Variants in PPFIA2 observed in about 807,000 individuals in gnomAD.
The protein encoded by PPFIA2 is PPFI scaffold protein A2, also known as liprin-alpha-2.
Under a neutral mutation model 175.5 loss-of-function variants are expected in PPFIA2, and 46 were observed. The observed-to-expected ratio is 0.26, with a 90% CI of 0.21 to 0.34. The LOEUF (loss-of-function observed/expected upper bound fraction) is 0.34. Ranked by LOEUF, PPFIA2 falls within the 10% of genes least tolerant of loss-of-function variation. The pLI, the probability that PPFIA2 is intolerant of heterozygous loss-of-function variation, is 1.00. For synonymous variants in PPFIA2, 568 were observed against 511.4 expected (o/e 1.11, Z -1.49); for missense variants, 1,179 against 1,506.1 (o/e 0.78, Z 3.60).
chr12:81,674,240 G>C (rs2071999072), intron 4 of PPFIA2, among the ~76,000 whole-genome samples: 1 of 151,948 alleles, frequency 6.6e-6, no homozygotes. Context: ...CCTTATGAGA[G>C]ATCATTCACT....
intron 7 of PPFIA2, among the ~76,000 whole-genome samples, chr12:81,415,101 C>A (rs1375716106): frequency 7.3e-6 from 1 of 136,104 alleles, no homozygotes; most frequent in Non-Finnish European, 1.6e-5. Flanking sequence ...TGACACCAAA[C>A]TGTTCCAGTG....
At chr12:81,562,555 G>C (rs558515471) in intron 4 of PPFIA2, among the ~76,000 whole-genome samples, 14 of 152,222 alleles carry the variant, frequency 9.2e-5, no homozygotes, top group East Asian at 7.7e-4. Flanking sequence ...TTTTGTAAGA[G>C]AGTATGTTGA....
At chr12:81,538,920 A>G (rs1594693634) in intron 4 of PPFIA2, among the ~76,000 whole-genome samples, 1 of 152,044 alleles carries the variant, frequency 6.6e-6, no homozygotes, top group Admixed American at 6.6e-5. Flanking sequence ...AACAGACCAT[A>G]GAGCGACCAG....
At chr12:81,604,605 A>ATG (rs1406766638) in intron 4 of PPFIA2, among the ~76,000 whole-genome samples, 1 of 151,126 alleles carries the variant, frequency 6.6e-6, no homozygotes, top group Non-Finnish European at 1.5e-5. Flanking sequence ...AATTATATAT[A>ATG]TATATTACAA....
chr12:81,605,257 T>G (rs1349032135), intron 4 of PPFIA2, among the ~76,000 whole-genome samples: 1 of 151,834 alleles, frequency 6.6e-6, no homozygotes, highest in Non-Finnish European at 1.5e-5. Flanking sequence ...TTAAATACAC[T>G]GAAAAGGCTG....
rs772497730 is a variant in PPFIA2, at chr12:81,743,411, C to CAAAAAAAAAAA, written c.249+10551_249+10561dup. On this transcript the variant is annotated intron_variant, in intron 3 of 32. Transcript: ENST00000549396. ...CGGGCCACAGAGTGAGACTCCGTCTCAAAAAAAAAAAAAAAAAAAAAAAAA... is the reference window on the plus strand; with the variant it reads ...CGGGCCACAGAGTGAGACTCCGTCTCAAAAAAAAAAAAAAAAAAAAAAAAAAAAAAAAAAAA... 6.8e-4 allele frequency among the ~76,000 whole-genome samples: 17 copies of CAAAAAAAAAAA among 24,860 alleles called. 5 individuals are homozygous for CAAAAAAAAAAA. The highest frequency in any genetic ancestry group is 2.3e-3 in the Admixed American group (3 of 1,296). The allele number at this position is 24,860 out of a possible 152,430, so 16.3% of individuals were successfully genotyped here. A position where few individuals can be genotyped will look rare whatever the true frequency, so the allele number is the denominator to read the frequency against.
chr12:81,506,584 T>G, intron 4 of PPFIA2, among the ~76,000 whole-genome samples: 1 of 152,232 alleles, frequency 6.6e-6, no homozygotes, highest in Non-Finnish European at 1.5e-5. Flanking sequence ...AAGTTTCCTA[T>G]TCCTACACTG....
At chr12:81,618,726 G>T (rs2061694210) in intron 4 of PPFIA2, among the ~76,000 whole-genome samples, 2 of 151,634 alleles carry the variant, frequency 1.3e-5, no homozygotes, top group Non-Finnish European at 2.9e-5. Context: ...TAGAGAAAGG[G>T]TTTCACCATG....
At chr12:81,668,452 T>C (rs1206378474) in intron 4 of PPFIA2, among the ~76,000 whole-genome samples, 1 of 152,086 alleles carries the variant, frequency 6.6e-6, no homozygotes, top group Non-Finnish European at 1.5e-5. Flanking sequence ...CTCCAAGGAA[T>C]GCACATTAAT....
intron 5 of PPFIA2, among the ~76,000 whole-genome samples, chr12:81,454,382 T>G (rs1330427463): frequency 6.6e-6 from 1 of 152,182 alleles, no homozygotes; most frequent in Non-Finnish European, 1.5e-5. Context: ...TCTGGGTGTT[T>G]CATTTATAAG....
intron 4 of PPFIA2, among the ~76,000 whole-genome samples, chr12:81,642,098 T>C (rs1340440174): frequency 6.6e-6 from 1 of 152,126 alleles, no homozygotes; most frequent in Non-Finnish European, 1.5e-5. Flanking sequence ...GTTATATATA[T>C]GTAGATATAT....
At chr12:81,751,661 T>A (rs2083823624) in intron 3 of PPFIA2, among the ~76,000 whole-genome samples, 1 of 151,542 alleles carries the variant, frequency 6.6e-6, no homozygotes. Flanking sequence ...ACATAACTGG[T>A]CCCAAGGGAT....
intron 4 of PPFIA2, among the ~76,000 whole-genome samples, chr12:81,512,690 C>A (rs1378221298): frequency 2.0e-5 from 3 of 151,914 alleles, no homozygotes; most frequent in African/African-American, 4.8e-5. Context: ...TCACTCCCCT[C>A]CCATTCTTCC....
intron 17 of PPFIA2, chr12:81,350,531 C>A: frequency 6.6e-6 from 1 of 151,912 alleles, no homozygotes. Flanking sequence ...CAGGAATGTT[C>A]CAGAAGAAAG....
At chr12:81,716,815 A>C (rs1415533352) in intron 3 of PPFIA2, among the ~76,000 whole-genome samples, 1 of 151,688 alleles carries the variant, frequency 6.6e-6, no homozygotes, top group Non-Finnish European at 1.5e-5. Context: ...GTAAGACAGC[A>C]AATGTGCTCA....
Position 81,341,098 on chromosome 12 carries a change from G to A in PPFIA2, c.2373C>T (p.Ser791=), listed in dbSNP as rs747301299. The A allele has an allele frequency of 3.1e-6, 5 of 1,610,610 alleles. No homozygotes were observed. Among genetic ancestry groups the A allele is most frequent in the Non-Finnish European group, 4.2e-6 (5 of 1,177,336 alleles). ...CTTACCTTCGAGCATCATTGTGGTA[G>A]GAAGAAGGGAGAGTGTGAGTCATTC... is the stretch of plus-strand genomic sequence containing the variant. The part of the protein sequence containing the change: ...ALRMTHTLPS[S]YHNDARSSLS... The change falls in exon 20 of 33, where the codon TCC becomes TCT. Residue 791 remains serine, a synonymous_variant. Transcript: ENST00000549396.
At position 81,642,661 on chromosome 12, in the gene PPFIA2, T is replaced by A. The variant is rs934457326; in HGVS notation, c.303+34130A>T. ...TTATATACATACATGTATGTATCTA[T>A]TATATACATACATGTATGTATCTAT... On this transcript the variant is annotated intron_variant, in intron 4 of 32. Coordinates refer to ENST00000549396, the MANE Select transcript of PPFIA2 (RefSeq NM_003625.5). Among the ~76,000 whole-genome samples, 17 of 98,076 alleles carry A rather than the reference T, an allele frequency of 1.7e-4. 6 individuals are homozygous for A. The highest frequency in any genetic ancestry group is 3.3e-4 in the African/African-American group (9 of 27,134). The allele number at this position is 98,076 out of a possible 152,430, so 64.3% of individuals were successfully genotyped here.
chr12:81,317,838 G>C (rs533373028), intron 22 of PPFIA2, among the ~76,000 whole-genome samples: 1 of 151,764 alleles, frequency 6.6e-6, no homozygotes, highest in South Asian at 2.1e-4. Flanking sequence ...GAGGATCACA[G>C]AATCTCAGGG....
At chr12:81,478,156 G>A (rs891583201) in intron 4 of PPFIA2, among the ~76,000 whole-genome samples, 4 of 152,012 alleles carry the variant, frequency 2.6e-5, no homozygotes, top group Admixed American at 6.6e-5. Context: ...ATATGTCCAG[G>A]AATTTACCCA....
Sources: gnomAD v4.1 joint callset for allele counts (sites outside exome capture counted in the v4.1 genomes callset) on GRCh38, gnomAD v4.1.1 for gene constraint, MANE v1.5 for transcripts, NCBI Gene and HGNC (gene_info 2026-07-23, HGNC 2026-07-21) for gene names.